Variants in SCUBE1 observed in about 807,000 individuals in gnomAD.
SCUBE1 encodes the protein signal peptide, CUB domain and EGF like domain containing 1, also known as signal peptide, CUB and EGF-like domain-containing protein 1.
A neutral mutation model predicts 124.4 loss-of-function variants in SCUBE1; 59 were observed. The ratio of observed to expected loss-of-function variants is 0.47; its 90% confidence interval spans 0.38 to 0.59. The LOEUF (loss-of-function observed/expected upper bound fraction) is 0.59, where lower values mean the gene tolerates loss of function less well. Among genes scored for constraint, SCUBE1 ranks in the 20% least tolerant of loss-of-function variants. The pLI is 0.00. For missense variants in SCUBE1, 1,150 were observed against 1,371.2 expected, an observed-to-expected ratio of 0.84 and a Z score of 2.55; for synonymous variants, 545 against 550.9, an observed-to-expected ratio of 0.99 and a Z score of 0.15.
intron 4 of SCUBE1, among the ~76,000 whole-genome samples, chr22:43,266,153 G>T (rs187145702): frequency 6.6e-6 from 1 of 152,208 alleles, no homozygotes; most frequent in East Asian, 1.9e-4. Context: ...TGTATTAAAA[G>T]CTATATTTTC....
intron 4 of SCUBE1, among the ~76,000 whole-genome samples, chr22:43,271,068 G>A (rs561394053): frequency 5.9e-4 from 90 of 152,252 alleles, no homozygotes; most frequent in African/African-American, 2.1e-3. Flanking sequence ...CCTGGGACAC[G>A]CTCTCGCCCT....
intron 4 of SCUBE1, among the ~76,000 whole-genome samples, chr22:43,266,620 A>G (rs1210900245): frequency 1.3e-5 from 2 of 152,194 alleles, no homozygotes; most frequent in Admixed American, 1.3e-4. Flanking sequence ...GCAGGGCTGG[A>G]AGCTGGGCCA....
chr22:43,208,181 G>T lies in SCUBE1; in HGVS notation c.2625C>A (p.Tyr875Ter). The T allele has an allele frequency of 6.2e-7, 1 of 1,614,084 alleles. No individual in the cohort carries two copies. Among genetic ancestry groups the T allele is most frequent in the Non-Finnish European group, 8.5e-7 (1 of 1,179,994 alleles). Residue 875 changes from tyrosine (Y) to a stop codon, truncating the protein, a stop_gained, in exon 20 of 22, where the codon TAC becomes TAA. Transcript: ENST00000360835. LOFTEE classifies it high-confidence loss of function. ...SITTYETCQT[Y>*]ERPIAFTSRS... ...GGGAGGTGAAGGCGATGGGCCTCTCGTAGGTCTGGCAGGTCTCATAGGTGG... is the reference window on the plus strand; with the variant it reads ...GGGAGGTGAAGGCGATGGGCCTCTCTTAGGTCTGGCAGGTCTCATAGGTGG...
At position 43,319,964 on chromosome 22, in the gene SCUBE1, G is replaced by A. The variant is rs1343789540; in HGVS notation, c.322C>T (p.Leu108=). 2.5e-6 allele frequency: 4 copies of A among 1,614,168 alleles called. No homozygotes were observed. Among genetic ancestry groups the A allele is most frequent in the South Asian group, 1.1e-5 (1 of 91,068 alleles). ...YRCTCFDGFM[L]AHDGHNCLDV... ...AGGCAGTTGTGTCCATCGTGTGCCA[G>A]CATGAAGCCATCAAAGCAGGTACAC... Residue 108 remains leucine (L), a synonymous_variant, in exon 3 of 22, where the codon CTG becomes TTG. Transcript: ENST00000360835.
chr22:43,272,525 C>T (rs1924332275), intron 4 of SCUBE1: 1 of 152,214 alleles, frequency 6.6e-6, no homozygotes, highest in Non-Finnish European at 1.5e-5. Flanking sequence ...CTTCATTCCA[C>T]AAATATTTAG....
At chr22:43,303,405 G>C (rs1925848513) in intron 3 of SCUBE1, among the ~76,000 whole-genome samples, 1 of 152,274 alleles carries the variant, frequency 6.6e-6, no homozygotes, top group African/African-American at 2.4e-5. Flanking sequence ...ATGTGGGCTT[G>C]TTCCTTCCTG....
intron 3 of SCUBE1, among the ~76,000 whole-genome samples, chr22:43,313,648 A>G (rs372484225): frequency 5.9e-5 from 9 of 152,192 alleles, no homozygotes; most frequent in African/African-American, 1.7e-4. Context: ...CATGGTTTCA[A>G]TTCCCTCTGG....
chr22:43,223,327 A>C, intron 10 of SCUBE1, 111 bp from the exon 11 acceptor site: 2 of 1,271,408 alleles, frequency 1.6e-6, no homozygotes, highest in Non-Finnish European at 2.1e-6. Context: ...CCCTTCTTCC[A>C]TGGCTGGGCT....
chr22:43,253,597 G>C (rs1001269547), intron 6 of SCUBE1, among the ~76,000 whole-genome samples: 41 of 152,212 alleles, frequency 2.7e-4, no homozygotes, highest in African/African-American at 9.4e-4. Flanking sequence ...CCAAACCCAG[G>C]CTGAGGCTAC....
intron 3 of SCUBE1, among the ~76,000 whole-genome samples, chr22:43,308,809 T>C (rs1055085264): frequency 6.6e-6 from 1 of 152,242 alleles, no homozygotes; most frequent in Non-Finnish European, 1.5e-5. Flanking sequence ...CAAGTGCCAC[T>C]TGCACATCCA....
chr22:43,324,289 C>G (rs1477410770), intron 2 of SCUBE1, among the ~76,000 whole-genome samples: 1 of 152,184 alleles, frequency 6.6e-6, no homozygotes, highest in African/African-American at 2.4e-5. Context: ...CATTTCCTGC[C>G]TTTGACTCCC....
chr22:43,267,597 C>A (rs761826371), intron 4 of SCUBE1, among the ~76,000 whole-genome samples: 13 of 152,154 alleles, frequency 8.5e-5, no homozygotes, highest in Non-Finnish European at 1.6e-4. Context: ...GGAAGAGACC[C>A]CAGCACTAGC....
intron 1 of SCUBE1, among the ~76,000 whole-genome samples, chr22:43,342,761 C>T (rs1313759561): frequency 1.3e-5 from 2 of 151,938 alleles, no homozygotes; most frequent in Non-Finnish European, 2.9e-5. Flanking sequence ...TCTCTCGGTC[C>T]GTCCCTTTCC....
At chr22:43,208,296 A>G in intron 19 of SCUBE1, 72 bp from the exon 20 acceptor site, 1 of 1,464,930 alleles carries the variant, frequency 6.8e-7, no homozygotes, top group Non-Finnish European at 9.5e-7. Flanking sequence ...CTCGCCTCCC[A>G]TCCAGTCCAC....
intron 4 of SCUBE1, 26 bp from the exon 5 acceptor site, chr22:43,262,871 G>A (rs752578981): frequency 8.7e-6 from 14 of 1,600,050 alleles, no homozygotes; most frequent in South Asian, 3.3e-5. Context: ...GACAAGAGAC[G>A]GGTTGAAGAC....
chr22:43,330,311 C>G (rs921427633), intron 2 of SCUBE1, among the ~76,000 whole-genome samples: 13 of 152,186 alleles, frequency 8.5e-5, no homozygotes, highest in African/African-American at 3.1e-4. Context: ...ACCATCACAG[C>G]TGGAAGGAGC....
intron 2 of SCUBE1, among the ~76,000 whole-genome samples, chr22:43,321,952 A>G (rs184136034): frequency 1.4e-4 from 22 of 152,210 alleles, no homozygotes; most frequent in African/African-American, 5.3e-4. Flanking sequence ...GTGATATTTT[A>G]TGTTTATTGA....
chr22:43,214,296 G>A, intron 15 of SCUBE1, 45 bp from the exon 16 acceptor site: 1 of 1,575,432 alleles, frequency 6.3e-7, no homozygotes, highest in Non-Finnish European at 8.6e-7. Context: ...GAGGTGGGGA[G>A]GCCAGGGGTG....
chr22:43,274,980 G>A (rs572692374), intron 4 of SCUBE1, among the ~76,000 whole-genome samples: 26 of 152,312 alleles, frequency 1.7e-4, no homozygotes, highest in African/African-American at 4.8e-4. Context: ...GCCAATTCCC[G>A]CCACCGACTC....
Sources: gnomAD v4.1 joint callset for allele counts (sites outside exome capture counted in the v4.1 genomes callset) on GRCh38, gnomAD v4.1.1 for gene constraint, MANE v1.5 for transcripts, NCBI Gene and HGNC (gene_info 2026-07-23, HGNC 2026-07-21) for gene names.